The following BFSP2 variants were observed in gnomAD, a reference collection of about 807,000 sequenced individuals.
BFSP2 encodes the protein beaded filament structural protein 2, also known as phakinin.
A neutral mutation model predicts 44.9 loss-of-function variants in BFSP2; 38 were observed. The ratio of observed to expected loss-of-function variants is 0.85; its 90% confidence interval spans 0.65 to 1.11. The LOEUF (loss-of-function observed/expected upper bound fraction) is 1.11, where lower values mean the gene tolerates loss of function less well. Among genes scored for constraint, BFSP2 ranks in the 50% least tolerant of loss-of-function variants. The pLI is 0.00. For missense variants in BFSP2, 525 were observed against 533.0 expected, an observed-to-expected ratio of 0.99 and a Z score of 0.15; for synonymous variants, 197 against 209.9, an observed-to-expected ratio of 0.94 and a Z score of 0.53.
At chr3:133,402,906 G>A (rs1217626314) in intron 1 of BFSP2, among the ~76,000 whole-genome samples, 1 of 152,076 alleles carries the variant, frequency 6.6e-6, no homozygotes, top group Non-Finnish European at 1.5e-5. Flanking sequence ...GCCTCCCAGA[G>A]TGCTAGGATT....
chr3:133,410,496 G>A (rs2073441667), intron 1 of BFSP2: 1 of 279,000 alleles, frequency 3.6e-6, no homozygotes, highest in Non-Finnish European at 7.4e-6. Context: ...CAGCTCTCAT[G>A]GGAATGATCA....
chr3:133,447,049 G>A (rs566687194), intron 1 of BFSP2, among the ~76,000 whole-genome samples: 2 of 152,238 alleles, frequency 1.3e-5, no homozygotes, highest in South Asian at 4.1e-4. Flanking sequence ...CAGAGGCTAT[G>A]AACAAGTCTG....
Position 133,400,193 on chromosome 3 carries a change from A to G in BFSP2, c.110A>G (p.Glu37Gly). Reference protein sequence around the residue: ...FRGPRSSSSLESPPASRTNAM... With the variant: ...FRGPRSSSSLGSPPASRTNAM... Reference sequence around the variant, plus strand: ...GGGCCACGGTCATCATCCTCCCTGGAGAGCCCCCCAGCCTCCAGGACCAAT... The same window carrying G: ...GGGCCACGGTCATCATCCTCCCTGGGGAGCCCCCCAGCCTCCAGGACCAAT... Residue 37 changes from glutamate to glycine, a missense_variant, in exon 1 of 7, where the codon GAG becomes GGG. Transcript: ENST00000302334. This position sits in a 1 kb window ranked among gnomAD's most constrained non-coding sequence, Gnocchi z 4.0. The G allele has an allele frequency of 1.2e-6, 2 of 1,614,076 alleles. No homozygotes were observed. Among genetic ancestry groups the G allele is most frequent in the Non-Finnish European group, 1.7e-6 (2 of 1,180,010 alleles).
At chr3:133,473,320 C>T (rs2074184096) in intron 6 of BFSP2, among the ~76,000 whole-genome samples, 1 of 151,086 alleles carries the variant, frequency 6.6e-6, no homozygotes, top group Admixed American at 6.6e-5. Context: ...TCTAACATAC[C>T]ATGACAACAT....
At chr3:133,472,706 A>G in intron 6 of BFSP2, 141 bp downstream of exon 6, 2 of 929,980 alleles carry the variant, frequency 2.2e-6, no homozygotes, top group Non-Finnish European at 3.4e-6. Context: ...CCCACAGCCT[A>G]GCTGTGTCCT....
At chr3:133,415,934 A>C (rs1427140975) in intron 1 of BFSP2, among the ~76,000 whole-genome samples, 12 of 82,132 alleles carry the variant, frequency 1.5e-4, no homozygotes, top group South Asian at 1.3e-3. Flanking sequence ...CAGCCCTGCC[A>C]TCTCCCCTCT....
intron 1 of BFSP2, among the ~76,000 whole-genome samples, chr3:133,434,541 C>T (rs542265533): frequency 1.2e-3 from 188 of 152,210 alleles, no homozygotes; most frequent in Non-Finnish European, 2.4e-3. Flanking sequence ...AATGTCAGGC[C>T]TCTGAGCCCA....
At chr3:133,471,830 A>G (rs550248100) in intron 5 of BFSP2, among the ~76,000 whole-genome samples, 1 of 152,304 alleles carries the variant, frequency 6.6e-6, no homozygotes, top group East Asian at 1.9e-4. Context: ...AGAGACATTC[A>G]TTCTAAGGAC....
At chr3:133,441,502 G>A (rs2073844948) in intron 1 of BFSP2, among the ~76,000 whole-genome samples, 1 of 152,110 alleles carries the variant, frequency 6.6e-6, no homozygotes, top group African/African-American at 2.4e-5. Flanking sequence ...ACATCTACTT[G>A]GGGAATTGTT....
rs190310271 is a variant in BFSP2, at chr3:133,444,199, A to G, written c.490-3118A>G. On this transcript the variant is annotated intron_variant, in intron 1 of 6. Coordinates refer to ENST00000302334, the MANE Select transcript of BFSP2 (RefSeq NM_003571.4). ...AAAAGTAAAGCAGGATCAGTGCCAG[A>G]CTGCACAAACCCATCAAATTCATTC... is the stretch of plus-strand genomic sequence containing the variant. Among the ~76,000 whole-genome samples, 6 of 152,224 alleles carry G rather than the reference A, an allele frequency of 3.9e-5. No homozygotes were observed. In the East Asian group the frequency reaches 1.2e-3, roughly 29 times the overall value.
intron 4 of BFSP2, among the ~76,000 whole-genome samples, chr3:133,464,188 G>A (rs1373123049): frequency 6.6e-6 from 1 of 152,194 alleles, no homozygotes; most frequent in Non-Finnish European, 1.5e-5. Flanking sequence ...GGAAGACAAG[G>A]AGTATACTTC....
At chr3:133,433,257 C>A (rs1368671368) in intron 1 of BFSP2, among the ~76,000 whole-genome samples, 1 of 152,184 alleles carries the variant, frequency 6.6e-6, no homozygotes, top group Non-Finnish European at 1.5e-5. Context: ...CCTGATCACA[C>A]TTAGTTTTTT....
In BFSP2 at chr3:133,403,363, C is replaced by T. The variant is rs142287167; in HGVS notation, c.489+2791C>T. On this transcript the variant is annotated intron_variant, in intron 1 of 6. Coordinates refer to ENST00000302334, the MANE Select transcript of BFSP2 (RefSeq NM_003571.4). ...CTCCACCTGCAGCTGCCTCTTCCCCCCCTTGTCCACAGAACTCCTCCTGGT... is the reference window on the plus strand; with the variant it reads ...CTCCACCTGCAGCTGCCTCTTCCCCTCCTTGTCCACAGAACTCCTCCTGGT... Among the ~76,000 whole-genome samples the T allele has an allele frequency of 6.7e-3, 1,023 of 152,276 alleles. 7 individuals are homozygous for T. The highest frequency in any genetic ancestry group is 6.8e-3 in the Non-Finnish European group (462 of 68,020).
chr3:133,436,447 G>A (rs1162315348), intron 1 of BFSP2, among the ~76,000 whole-genome samples: 1 of 151,834 alleles, frequency 6.6e-6, no homozygotes. Flanking sequence ...GATAGGCATA[G>A]GTTGCTTCCA....
rs748265329 is a variant in BFSP2, at chr3:133,466,920, C to T, written c.984C>T (p.Val328=). 1.1e-5 allele frequency: 18 copies of T among 1,613,982 alleles called. No individual in the cohort carries two copies. The highest frequency in any genetic ancestry group is 1.3e-5 in the Non-Finnish European group (15 of 1,180,014). The change falls in exon 5 of 7, where the codon GTC becomes GTT. Residue 328 remains valine (V), a synonymous_variant. Coordinates refer to ENST00000302334, the MANE Select transcript of BFSP2 (RefSeq NM_003571.4). ...AGTTACACAACACTTCGTGCCAAGT[C>T]CAGAGCCTCCAGGCTGAGACAGAAT... ...RVELHNTSCQ[V]QSLQAETESL...
At position 133,453,814 on chromosome 3, in the gene BFSP2, A is replaced by G. The variant is rs577091921; in HGVS notation, c.891+3350A>G. Reference sequence around the variant, plus strand: ...AGCATCTGCTAGAACTTATCTGCCAATTCTGTTTATTTTTTCAGTCATTAA... The same window carrying G: ...AGCATCTGCTAGAACTTATCTGCCAGTTCTGTTTATTTTTTCAGTCATTAA... On this transcript the variant is annotated intron_variant, in intron 4 of 6. Transcript: ENST00000302334. Among the ~76,000 whole-genome samples the G allele has an allele frequency of 4.6e-5, 7 of 152,336 alleles. No homozygotes were observed. The East Asian group carries it at 1.3e-3, about 29-fold the overall frequency.
intron 1 of BFSP2, among the ~76,000 whole-genome samples, chr3:133,442,798 G>A (rs2073857759): frequency 6.6e-6 from 1 of 152,046 alleles, no homozygotes; most frequent in Non-Finnish European, 1.5e-5. Context: ...GTTGTTTACT[G>A]AGATGAAGAG....
chr3:133,471,402 A>C (rs951896461), intron 5 of BFSP2, among the ~76,000 whole-genome samples: 2 of 152,244 alleles, frequency 1.3e-5, no homozygotes, highest in African/African-American at 2.4e-5. Flanking sequence ...AAGAGAAGGA[A>C]GGAAAGCAGG....
At chr3:133,449,292 T>C (rs565487437) in intron 3 of BFSP2, 4 of 152,938 alleles carry the variant, frequency 2.6e-5, no homozygotes, top group African/African-American at 9.6e-5. Flanking sequence ...CTTAGCTCAG[T>C]GATTTAAGAC....
Sources: gnomAD v4.1 joint callset for allele counts (sites outside exome capture counted in the v4.1 genomes callset) on GRCh38, gnomAD v4.1.1 for gene constraint, Gnocchi (gnomAD v3.1) non-coding constraint, MANE v1.5 for transcripts, NCBI Gene and HGNC (gene_info 2026-07-23, HGNC 2026-07-21) for gene names.